Variants in AGMO observed in about 807,000 individuals in gnomAD.
AGMO encodes the protein alkylglycerol monooxygenase, also known as glyceryl-ether monooxygenase.
Under a neutral mutation model 60.2 loss-of-function variants are expected in AGMO, and 75 were observed. The observed-to-expected ratio is 1.25, with a 90% CI of 1.03 to 1.51. The LOEUF (loss-of-function observed/expected upper bound fraction) is 1.51, where lower values mean the gene tolerates loss of function less well. AGMO is among the 40% of genes most tolerant of loss of function. The pLI is 0.00. For missense variants in AGMO, 763 were observed against 525.5 expected, an observed-to-expected ratio of 1.45 and a Z score of -4.42; for synonymous variants, 261 against 177.1, an observed-to-expected ratio of 1.47 and a Z score of -3.76.
chr7:15,479,154 C>T (rs1048433405), intron 3 of AGMO, among the ~76,000 whole-genome samples: 9 of 151,966 alleles, frequency 5.9e-5, no homozygotes, highest in African/African-American at 2.2e-4. Flanking sequence ...GTAGAAATTA[C>T]GGACATTAAA....
chr7:15,180,347 T>G, the AGMO span, among the ~76,000 whole-genome samples: 1 of 152,206 alleles, frequency 6.6e-6, no homozygotes, highest in African/African-American at 2.4e-5. Flanking sequence ...TTTAGATATT[T>G]TTTTTCATAT....
At chr7:15,155,044 T>A in the AGMO span, among the ~76,000 whole-genome samples, 1 of 152,218 alleles carries the variant, frequency 6.6e-6, no homozygotes, top group African/African-American at 2.4e-5. Context: ...TTCTTTCACA[T>A]TGACTTTGTA....
chr7:15,354,448 GTGTGTATACACA>G (rs1563105648), intron 12 of AGMO, among the ~76,000 whole-genome samples: 1,402 of 22,248 alleles, frequency 0.063, 197 homozygotes, highest in Admixed American at 0.083. Context: ...ATACACACGT[GTGTGTATACACA>G]CGTGTGTGTA....
intron 3 of AGMO, among the ~76,000 whole-genome samples, chr7:15,502,181 C>T (rs1468226995): frequency 6.6e-6 from 1 of 151,800 alleles, no homozygotes; most frequent in African/African-American, 2.4e-5. Flanking sequence ...ATTATATGAC[C>T]CAAGTTTATT....
chr7:15,511,109 C>T (rs79081150), intron 3 of AGMO, among the ~76,000 whole-genome samples: 2,334 of 152,140 alleles, frequency 0.015, 58 homozygotes, highest in African/African-American at 0.052. Context: ...CACCCACTTA[C>T]TCCAGTTCAG....
intron 12 of AGMO, among the ~76,000 whole-genome samples, chr7:15,280,952 G>T (rs1783948251): frequency 6.6e-6 from 1 of 152,150 alleles, no homozygotes; most frequent in Non-Finnish European, 1.5e-5. Flanking sequence ...CACATCACTG[G>T]ATTTCTTGTA....
At chr7:15,387,904 C>CTCT (rs71549939) in intron 8 of AGMO, among the ~76,000 whole-genome samples, 147 of 137,646 alleles carry the variant, frequency 1.1e-3, no homozygotes, top group African/African-American at 3.7e-3. Context: ...GACACATTCT[C>CTCT]TTTTTTTTTT....
intron 12 of AGMO, among the ~76,000 whole-genome samples, chr7:15,282,084 A>C (rs1296841733): frequency 1.3e-5 from 2 of 152,110 alleles, no homozygotes; most frequent in Admixed American, 1.3e-4. Flanking sequence ...ATAAAATCAA[A>C]AATAAACTAA....
chr7:15,492,815 C>A (rs1308771856), intron 3 of AGMO, among the ~76,000 whole-genome samples: 3 of 152,056 alleles, frequency 2.0e-5, no homozygotes, highest in Non-Finnish European at 4.4e-5. Flanking sequence ...CTTCTGCAAT[C>A]CTGCTTCTGT....
intron 2 of AGMO, among the ~76,000 whole-genome samples, chr7:15,558,540 G>A (rs1583690531): frequency 6.6e-6 from 1 of 151,916 alleles, no homozygotes; most frequent in Non-Finnish European, 1.5e-5. Flanking sequence ...AAGGGGACAA[G>A]TATTATAATA....
At chr7:15,147,477 T>A in the AGMO span, among the ~76,000 whole-genome samples, 10 of 151,742 alleles carry the variant, frequency 6.6e-5, no homozygotes, top group Non-Finnish European at 1.2e-4. Flanking sequence ...TTATTCACTA[T>A]CCCAAGAAGA....
chr7:15,421,317 T>C (rs1780916120), intron 4 of AGMO, among the ~76,000 whole-genome samples: 1 of 152,122 alleles, frequency 6.6e-6, no homozygotes, highest in Non-Finnish European at 1.5e-5. Context: ...TCGGTATGTC[T>C]GTGCCTCGCC....
At chr7:15,477,756 C>T (rs1419685534) in intron 3 of AGMO, among the ~76,000 whole-genome samples, 1 of 152,130 alleles carries the variant, frequency 6.6e-6, no homozygotes, top group Non-Finnish European at 1.5e-5. Flanking sequence ...CCTTTCTTTT[C>T]TAATTTTGTC....
At chr7:15,390,371 C>T (rs906149920) in intron 8 of AGMO, among the ~76,000 whole-genome samples, 11 of 152,126 alleles carry the variant, frequency 7.2e-5, no homozygotes, top group Non-Finnish European at 1.5e-4. Flanking sequence ...ACTATTGCTC[C>T]TACTGAATAC....
chr7:15,493,597 G>A (rs796267262), intron 3 of AGMO, among the ~76,000 whole-genome samples: 47 of 151,456 alleles, frequency 3.1e-4, no homozygotes, highest in African/African-American at 1.1e-3. Context: ...GGATGGTCTC[G>A]ATCTCCTGAC....
At chr7:15,142,851 T>C in the AGMO span, among the ~76,000 whole-genome samples, 225 of 152,300 alleles carry the variant, frequency 1.5e-3, no homozygotes, top group Non-Finnish European at 2.3e-3. Context: ...ATGTCCGATA[T>C]GTATTAGAAG....
chr7:15,119,724 T>C, the AGMO span, among the ~76,000 whole-genome samples: 31 of 152,274 alleles, frequency 2.0e-4, no homozygotes, highest in East Asian at 5.6e-3. Context: ...ACAATTATAC[T>C]ATATGCAATT....
chr7:15,528,915 TG>T (rs1355208436), intron 3 of AGMO, among the ~76,000 whole-genome samples: 3 of 152,136 alleles, frequency 2.0e-5, no homozygotes, highest in Non-Finnish European at 4.4e-5. Flanking sequence ...CCCAAAGCAC[TG>T]GGATTAGAGG....
intron 12 of AGMO, among the ~76,000 whole-genome samples, chr7:15,332,570 C>G (rs1781531376): frequency 6.6e-6 from 1 of 152,114 alleles, no homozygotes; most frequent in African/African-American, 2.4e-5. Context: ...CCTGACCTGA[C>G]AACCTGATTT....
Sources: gnomAD v4.1 joint callset for allele counts (sites outside exome capture counted in the v4.1 genomes callset) on GRCh38, gnomAD v4.1.1 for gene constraint, MANE v1.5 for transcripts, NCBI Gene and HGNC (gene_info 2026-07-23, HGNC 2026-07-21) for gene names.